FAM135B: variants seen among roughly 807,000 people sequenced by gnomAD.
The protein encoded by FAM135B is family with sequence similarity 135 member B, also known as protein FAM135B.
In FAM135B, 43 loss-of-function variants were observed where a neutral mutation model predicts 127.7. The ratio of observed to expected loss-of-function variants is 0.34; its 90% CI spans 0.26 to 0.43. FAM135B has a LOEUF of 0.43. Ranked by LOEUF, FAM135B falls within the 20% of genes least tolerant of loss-of-function variation. The probability of loss-of-function intolerance (pLI) is 1.00; values close to 1 mark genes in which losing one functional copy is unlikely to be tolerated. For missense variants in FAM135B, 1,558 were observed against 1,725.6 expected (o/e 0.90, Z 1.72); for synonymous variants, 670 against 665.1 (o/e 1.01, Z -0.11).
In FAM135B at chr8:138,152,310, G is replaced by T. The variant is rs1209827524; in HGVS notation, c.2165C>A (p.Ala722Asp). The change falls in exon 13 of 20, where the codon GCC becomes GAC. Residue 722 changes from alanine (A) to aspartate (D), a missense_variant. By Grantham distance (126) the Ala-to-Asp change is moderately radical. Coordinates refer to ENST00000395297, the MANE Select transcript of FAM135B (RefSeq NM_015912.4). ...ACCCTCTAGGGAGTTCCGGTGGAGG[G>T]CATGTCTTCGAACAAACGGGTGCAA... The part of the protein sequence containing the change: ...EVLHPFVRRH[A>D]LHRNSLEGGH... The T allele has an allele frequency of 4.3e-6, 7 of 1,614,158 alleles. No individual in the cohort carries two copies. Among genetic ancestry groups the T allele is most frequent in the Non-Finnish European group, 5.9e-6 (7 of 1,180,038 alleles).
At chr8:138,364,461 T>C (rs1218661582) in intron 2 of FAM135B, among the ~76,000 whole-genome samples, 1 of 152,160 alleles carries the variant, frequency 6.6e-6, no homozygotes, top group Non-Finnish European at 1.5e-5. Flanking sequence ...CTCAGACCTG[T>C]CCATAGAAGT....
intron 7 of FAM135B, among the ~76,000 whole-genome samples, chr8:138,237,100 T>C (rs1330419633): frequency 6.6e-6 from 1 of 151,650 alleles, no homozygotes; most frequent in East Asian, 1.9e-4. Context: ...GTGTGCAGCC[T>C]TCCTTGGGGA....
chr8:138,403,691 T>G (rs1338253931), intron 1 of FAM135B, among the ~76,000 whole-genome samples: 1 of 152,102 alleles, frequency 6.6e-6, no homozygotes, highest in Admixed American at 6.5e-5. Context: ...CCCTGAAAAC[T>G]TGGTCCCTTT....
intron 1 of FAM135B, among the ~76,000 whole-genome samples, chr8:138,442,689 G>C (rs1164978915): frequency 6.6e-6 from 1 of 152,036 alleles, no homozygotes; most frequent in East Asian, 1.9e-4. Context: ...ACAGAAAGCA[G>C]AATGTAAAAA....
chr8:138,432,117 G>A (rs2131509517), intron 1 of FAM135B, among the ~76,000 whole-genome samples: 1 of 152,306 alleles, frequency 6.6e-6, no homozygotes, highest in Admixed American at 6.5e-5. Flanking sequence ...GTGTTGAGGA[G>A]GGATACATGT....
chr8:138,213,594 T>A (rs1425232931), intron 7 of FAM135B, among the ~76,000 whole-genome samples: 1 of 152,052 alleles, frequency 6.6e-6, no homozygotes, highest in African/African-American at 2.4e-5. Context: ...GAGATAGAAT[T>A]TTAGCTTGTT....
intron 1 of FAM135B, among the ~76,000 whole-genome samples, chr8:138,411,747 G>C (rs1003628696): frequency 3.9e-5 from 6 of 152,024 alleles, no homozygotes; most frequent in Admixed American, 2.0e-4. Flanking sequence ...TCTGACAAAG[G>C]GCTAATATCC....
chr8:138,358,954 T>C (rs974144051), intron 2 of FAM135B, among the ~76,000 whole-genome samples: 2 of 152,046 alleles, frequency 1.3e-5, no homozygotes, highest in African/African-American at 4.8e-5. Context: ...CTGCTGAGCC[T>C]GTCCTCAGCC....
chr8:138,415,554 A>G (rs1438366497), intron 1 of FAM135B, among the ~76,000 whole-genome samples: 1 of 152,222 alleles, frequency 6.6e-6, no homozygotes, highest in Non-Finnish European at 1.5e-5. Flanking sequence ...ACAGCGAAGT[A>G]GCATCAGAGA....
At chr8:138,133,848 C>T (rs6984605) in intron 19 of FAM135B, among the ~76,000 whole-genome samples, 102,642 of 151,990 alleles carry the variant, frequency 0.68, 34,777 homozygotes, top group East Asian at 0.77. Context: ...CCCCCCATCA[C>T]GCATGGGGTA....
At position 138,197,655 on chromosome 8, in the gene FAM135B, G is replaced by A. The variant is rs2131141049; in HGVS notation, c.684C>T (p.Ile228=). The change falls in exon 8 of 20, where the codon ATC becomes ATT. Residue 228 remains isoleucine, a synonymous_variant. Transcript: ENST00000395297. ...KPTSSEGSFY[I]TSENCMQHAH... is the part of the protein sequence containing the mutation. ...CGTGCTGCATGCAGTTCTCAGAGGT[G>A]ATGTAGAAGCTTCCCTAAGGGGTGA... 1 of 1,613,952 alleles carries A rather than the reference G, an allele frequency of 6.2e-7. No homozygotes were observed. Among genetic ancestry groups the A allele is most frequent in the Non-Finnish European group, 8.5e-7 (1 of 1,179,846 alleles).
At chr8:138,363,233 A>G (rs1830540773) in intron 2 of FAM135B, among the ~76,000 whole-genome samples, 1 of 152,218 alleles carries the variant, frequency 6.6e-6, no homozygotes, top group African/African-American at 2.4e-5. Flanking sequence ...ACAAGGCTGT[A>G]CTTGTAGTAG....
intron 1 of FAM135B, among the ~76,000 whole-genome samples, chr8:138,461,938 T>A (rs1007202203): frequency 6.6e-6 from 1 of 151,960 alleles, no homozygotes; most frequent in Non-Finnish European, 1.5e-5. Context: ...GTGGCTGTCA[T>A]CCTGCCCGAA....
At chr8:138,186,143 C>T (rs951359617) in intron 9 of FAM135B, among the ~76,000 whole-genome samples, 10 of 152,156 alleles carry the variant, frequency 6.6e-5, no homozygotes, top group East Asian at 1.9e-4. Flanking sequence ...ATAAGGTGCC[C>T]GCTCCTCCTT....
chr8:138,377,813 T>C (rs914596788), intron 1 of FAM135B, among the ~76,000 whole-genome samples: 6 of 152,230 alleles, frequency 3.9e-5, no homozygotes, highest in African/African-American at 1.4e-4. Flanking sequence ...CTCGAAAGCA[T>C]GTATCTGCAT....
intron 12 of FAM135B, among the ~76,000 whole-genome samples, chr8:138,166,781 TGTA>T (rs1272679868): frequency 6.6e-6 from 1 of 152,146 alleles, no homozygotes; most frequent in Non-Finnish European, 1.5e-5. Flanking sequence ...TGACGGCAGT[TGTA>T]GTGGTGGTGG....
intron 1 of FAM135B, among the ~76,000 whole-genome samples, chr8:138,421,990 C>A (rs1426606126): frequency 6.6e-6 from 1 of 151,890 alleles, no homozygotes; most frequent in Non-Finnish European, 1.5e-5. Flanking sequence ...AGCCACACAA[C>A]TACAAAGTCA....
intron 1 of FAM135B, among the ~76,000 whole-genome samples, chr8:138,406,546 A>T (rs1378689269): frequency 6.6e-6 from 1 of 152,028 alleles, no homozygotes; most frequent in African/African-American, 2.4e-5. Flanking sequence ...CAGCACATCA[A>T]AAAGCTTATC....
intron 3 of FAM135B, among the ~76,000 whole-genome samples, chr8:138,305,501 G>T (rs1234957741): frequency 1.3e-4 from 3 of 23,146 alleles, no homozygotes; most frequent in African/African-American, 5.7e-4. Flanking sequence ...CACAGACATG[G>T]ACATACCAAT....
Sources: allele counts gnomAD v4.1 joint callset (sites outside exome capture counted in the v4.1 genomes callset), GRCh38; gene constraint gnomAD v4.1.1; transcripts MANE v1.5; gene names NCBI Gene and HGNC (gene_info 2026-07-23, HGNC 2026-07-21).